The following CADM2 variants were observed in gnomAD, a reference collection of about 807,000 sequenced individuals.
CADM2 encodes the protein immunoglobulin superfamily member 4D.
A neutral mutation model predicts 49.8 loss-of-function variants in CADM2; 12 were observed. The ratio of observed to expected loss-of-function variants is 0.24; its 90% CI spans 0.15 to 0.39. The LOEUF is 0.39. Among genes scored for constraint, CADM2 ranks in the 10% least tolerant of loss-of-function variants. The probability of loss-of-function intolerance (pLI) is 1.00; values close to 1 mark genes in which losing one functional copy is unlikely to be tolerated. For synonymous variants in CADM2, 214 were observed against 175.4 expected (o/e 1.22, Z -1.74); for missense variants, 378 against 492.3 (o/e 0.77, Z 2.20).
Position 86,073,645 on chromosome 3 carries a change from AT to A in CADM2, c.*6863del, listed in dbSNP as rs1327374671. On this transcript the variant is annotated 3_prime_UTR_variant, in exon 10 of 10. Coordinates refer to ENST00000383699, the MANE Select transcript of CADM2 (RefSeq NM_001167675.2). The stretch of plus-strand genomic sequence containing the variant: ...GAAAAATAAAATTTGAATTTTAGTT[AT>A]CTGTTGGACATTACTGAATTGTCTA... 6.6e-6 allele frequency: 1 copy of A among 152,022 alleles called. No homozygotes were observed. The highest frequency in any genetic ancestry group is 1.9e-4 in the East Asian group (1 of 5,194). 9.4% of individuals were successfully genotyped at this position (152,022 alleles called of 1,614,324 possible). A position where few individuals can be genotyped will look rare whatever the true frequency, so the allele number is the denominator to read the frequency against.
chr3:85,041,166 T>A (rs1050324324), intron 1 of CADM2, among the ~76,000 whole-genome samples: 5 of 152,218 alleles, frequency 3.3e-5, no homozygotes, highest in African/African-American at 1.2e-4. Flanking sequence ...TTAAACTTAT[T>A]GTGTAGTCTT....
At chr3:85,398,590 C>T (rs149566740) in intron 1 of CADM2, among the ~76,000 whole-genome samples, 3 of 152,254 alleles carry the variant, frequency 2.0e-5, no homozygotes, top group African/African-American at 7.2e-5. Flanking sequence ...CACTGTCTTC[C>T]CCAATGGTTG....
chr3:85,169,432 C>T (rs2040561018), intron 1 of CADM2, among the ~76,000 whole-genome samples: 1 of 152,142 alleles, frequency 6.6e-6, no homozygotes. Context: ...AATGTATTAT[C>T]TGTAAAATAA....
At chr3:85,695,293 A>G (rs778498602) in intron 1 of CADM2, among the ~76,000 whole-genome samples, 1 of 152,098 alleles carries the variant, frequency 6.6e-6, no homozygotes, top group South Asian at 2.1e-4. Flanking sequence ...CAAATAGTGT[A>G]CATTGTACCC....
intron 2 of CADM2, among the ~76,000 whole-genome samples, chr3:85,789,314 G>A (rs2071189395): frequency 6.6e-6 from 1 of 152,086 alleles, no homozygotes; most frequent in South Asian, 2.1e-4. Flanking sequence ...CCTCTCAAAT[G>A]TTCATCAGTT....
intron 1 of CADM2, among the ~76,000 whole-genome samples, chr3:85,428,058 T>C (rs1200120428): frequency 6.6e-6 from 1 of 151,830 alleles, no homozygotes; most frequent in Non-Finnish European, 1.5e-5. Context: ...TGCTGTTCCA[T>C]AAATGACTAC....
At chr3:85,540,594 G>A (rs2061515791) in intron 1 of CADM2, among the ~76,000 whole-genome samples, 1 of 152,040 alleles carries the variant, frequency 6.6e-6, no homozygotes, top group South Asian at 2.1e-4. Context: ...GTCCTCCTCT[G>A]TACTCTAGTA....
At chr3:85,402,231 C>A (rs1232230903) in intron 1 of CADM2, among the ~76,000 whole-genome samples, 1 of 151,756 alleles carries the variant, frequency 6.6e-6, no homozygotes, top group Admixed American at 6.6e-5. Flanking sequence ...AAGACCTTAA[C>A]AAAAACAAAG....
chr3:85,236,433 G>T (rs910469752), intron 1 of CADM2, among the ~76,000 whole-genome samples: 5 of 151,688 alleles, frequency 3.3e-5, no homozygotes, highest in African/African-American at 9.7e-5. Context: ...GAGTTAATTT[G>T]GTGTCAAAGT....
At chr3:85,748,384 G>A (rs2068705493) in intron 2 of CADM2, among the ~76,000 whole-genome samples, 1 of 151,846 alleles carries the variant, frequency 6.6e-6, no homozygotes, top group South Asian at 2.1e-4. Flanking sequence ...AAACGAAGCA[G>A]GCGAAATAGC....
intron 1 of CADM2, among the ~76,000 whole-genome samples, chr3:85,449,986 G>A (rs1014115636): frequency 6.6e-6 from 1 of 152,120 alleles, no homozygotes; most frequent in Non-Finnish European, 1.5e-5. Context: ...ATGGATGGCA[G>A]GTAGAGGGCT....
chr3:85,535,203 C>T (rs2061398403), intron 1 of CADM2, among the ~76,000 whole-genome samples: 5 of 151,160 alleles, frequency 3.3e-5, no homozygotes, highest in Admixed American at 2.0e-4. Context: ...TATGAAATGT[C>T]ACCTGCCATT....
intron 1 of CADM2, among the ~76,000 whole-genome samples, chr3:85,050,435 G>A (rs1267759420): frequency 3.3e-5 from 5 of 152,040 alleles, no homozygotes; most frequent in African/African-American, 1.2e-4. Context: ...AGAACAAAAT[G>A]CAGCTAAAGA....
intron 1 of CADM2, among the ~76,000 whole-genome samples, chr3:85,710,746 C>CA (rs1261420375): frequency 6.6e-6 from 1 of 152,118 alleles, no homozygotes; most frequent in Non-Finnish European, 1.5e-5. Context: ...ATAATTTACT[C>CA]ATTGCATTTT....
chr3:85,285,533 T>G (rs1015496627), intron 1 of CADM2, among the ~76,000 whole-genome samples: 1 of 152,112 alleles, frequency 6.6e-6, no homozygotes, highest in Non-Finnish European at 1.5e-5. Flanking sequence ...ACAGGCAATT[T>G]AACTTTGAAT....
chr3:85,801,994 T>TGGTCGCCC, intron 2 of CADM2, 53 bp from the exon 3 acceptor site: 1 of 1,334,566 alleles, frequency 7.5e-7, no homozygotes. Flanking sequence ...TCTTAGGCAG[T>TGGTCGCCC]TAATCATTTT....
chr3:85,000,826 T>A (rs1391836062), intron 1 of CADM2, among the ~76,000 whole-genome samples: 1 of 152,050 alleles, frequency 6.6e-6, no homozygotes, highest in Non-Finnish European at 1.5e-5. Context: ...TGCCTATGTA[T>A]GTACATTTGT....
intron 1 of CADM2, among the ~76,000 whole-genome samples, chr3:85,666,106 C>T (rs560564116): frequency 6.2e-4 from 94 of 152,084 alleles, no homozygotes; most frequent in African/African-American, 2.0e-3. Flanking sequence ...AACAGACAAA[C>T]AGAGAGCCAA....
intron 1 of CADM2, among the ~76,000 whole-genome samples, chr3:85,574,594 A>G (rs913850566): frequency 6.6e-6 from 1 of 152,190 alleles, no homozygotes; most frequent in African/African-American, 2.4e-5. Flanking sequence ...ACTAACCTTC[A>G]AAGACTTAGT....
Sources: gnomAD v4.1 joint callset for allele counts (sites outside exome capture counted in the v4.1 genomes callset) on GRCh38, gnomAD v4.1.1 for gene constraint, MANE v1.5 for transcripts, NCBI Gene and HGNC (gene_info 2026-07-23, HGNC 2026-07-21) for gene names.